SASH1: variants seen among roughly 807,000 people sequenced by gnomAD.
SASH1 encodes SAM and SH3 domain containing 1.
A neutral mutation model predicts 125.2 loss-of-function variants in SASH1; 44 were observed. That is an observed-to-expected ratio of 0.35 (90% CI 0.28 to 0.45). SASH1 has a LOEUF of 0.45. Among genes scored for constraint, SASH1 ranks in the 20% least tolerant of loss-of-function variants. The pLI is 1.00. For missense variants in SASH1, 1,426 were observed against 1,614.5 expected, an observed-to-expected ratio of 0.88 and a Z score of 2.00; for synonymous variants, 639 against 649.1, an observed-to-expected ratio of 0.98 and a Z score of 0.24.
At chr6:148,485,340 C>A (rs1017500441) in intron 7 of SASH1, among the ~76,000 whole-genome samples, 1 of 152,128 alleles carries the variant, frequency 6.6e-6, no homozygotes, top group African/African-American at 2.4e-5. Flanking sequence ...CTGGAACAAT[C>A]CAAGTGTCCC....
intron 1 of SASH1, among the ~76,000 whole-genome samples, chr6:148,331,206 G>A (rs186887935): frequency 2.5e-4 from 38 of 152,280 alleles, no homozygotes; most frequent in African/African-American, 6.7e-4. Flanking sequence ...AAATTTTTCC[G>A]AATCTTCATA....
chr6:148,527,912 G>A (rs1781281238), intron 12 of SASH1, among the ~76,000 whole-genome samples: 1 of 150,060 alleles, frequency 6.7e-6, no homozygotes. Flanking sequence ...GAATACAAAG[G>A]AAGGATTTTA....
In SASH1 at chr6:148,415,138, T is replaced by G. The variant is rs529191477; in HGVS notation, c.285+24876T>G. Reference sequence around the variant, plus strand: ...GTAGGGCTTCCATTGACAAATGAGTTTAGAACTTTGTATTGAGTATTTTTA... The same window carrying G: ...GTAGGGCTTCCATTGACAAATGAGTGTAGAACTTTGTATTGAGTATTTTTA... On this transcript the variant is annotated intron_variant, in intron 2 of 19. Coordinates refer to ENST00000367467, the MANE Select transcript of SASH1 (RefSeq NM_015278.5). Among the ~76,000 whole-genome samples the G allele has an allele frequency of 4.5e-4, 68 of 152,326 alleles. 1 individual carries two copies. The highest frequency in any genetic ancestry group is 3.3e-4 in the Admixed American group (5 of 15,290).
intron 8 of SASH1, among the ~76,000 whole-genome samples, chr6:148,498,239 AAAAAAAAAC>A (rs1307632777): frequency 6.8e-6 from 1 of 147,970 alleles, no homozygotes; most frequent in Non-Finnish European, 1.5e-5. Flanking sequence ...ACAAACAAAA[AAAAAAAAAC>A]AAAAAAAACA....
the SASH1 span, among the ~76,000 whole-genome samples, chr6:148,210,886 A>G: frequency 0.66 from 99,668 of 152,098 alleles, 33,805 homozygotes; most frequent in African/African-American, 0.84. Flanking sequence ...TTTCTGAAGT[A>G]GAACACTTTT....
chr6:148,492,079 C>T lies in SASH1; in HGVS notation c.729+4364C>T, dbSNP rs546322894. Reference sequence around the variant, plus strand: ...ATACCGGGTCCCTTAGTATCAGACCCACTGTATACTGCCCTGATTAATAGC... The same window carrying T: ...ATACCGGGTCCCTTAGTATCAGACCTACTGTATACTGCCCTGATTAATAGC... On this transcript the variant is annotated intron_variant, in intron 8 of 19. Coordinates refer to ENST00000367467, the MANE Select transcript of SASH1 (RefSeq NM_015278.5). Among the ~76,000 whole-genome samples the T allele has an allele frequency of 8.5e-5, 13 of 152,296 alleles. No homozygotes were observed. The East Asian group carries it at 2.3e-3, about 27-fold the overall frequency.
chr6:148,264,176 C>CG, the SASH1 span, among the ~76,000 whole-genome samples: 8 of 52,398 alleles, frequency 1.5e-4, no homozygotes, highest in East Asian at 5.2e-4. Context: ...TTATTTTGAC[C>CG]GAAAAAAAAA....
intron 1 of SASH1, among the ~76,000 whole-genome samples, chr6:148,376,619 T>G (rs1051571340): frequency 6.6e-6 from 1 of 152,076 alleles, no homozygotes; most frequent in Non-Finnish European, 1.5e-5. Flanking sequence ...CCTAGCACTT[T>G]GGGAGGCTGA....
At chr6:148,226,723 A>T in the SASH1 span, among the ~76,000 whole-genome samples, 1 of 152,152 alleles carries the variant, frequency 6.6e-6, no homozygotes, top group Non-Finnish European at 1.5e-5. Context: ...TTGTAAGTAC[A>T]CTTATGTCAC....
chr6:148,245,470 G>A, the SASH1 span, among the ~76,000 whole-genome samples: 2 of 152,158 alleles, frequency 1.3e-5, no homozygotes, highest in African/African-American at 4.8e-5. Flanking sequence ...AGTGATTACT[G>A]ATTTGGAAGC....
At chr6:148,444,208 C>T (rs1776682219) in intron 4 of SASH1, among the ~76,000 whole-genome samples, 1 of 152,238 alleles carries the variant, frequency 6.6e-6, no homozygotes, top group Admixed American at 6.5e-5. Context: ...CCTTGCCCAG[C>T]TGAAACCTAT....
the SASH1 span, among the ~76,000 whole-genome samples, chr6:148,242,409 G>A: frequency 6.6e-6 from 1 of 151,972 alleles, no homozygotes; most frequent in African/African-American, 2.4e-5. Context: ...TCTGTATTTT[G>A]GTAGCTTGGA....
chr6:148,347,332 C>T (rs1481785289), intron 1 of SASH1, among the ~76,000 whole-genome samples: 1 of 152,172 alleles, frequency 6.6e-6, no homozygotes, highest in East Asian at 1.9e-4. Context: ...CTACAATTTA[C>T]ACCCATTTCC....
upstream of SASH1, among the ~76,000 whole-genome samples, chr6:148,267,838 A>G (rs1186709125): frequency 6.6e-6 from 1 of 152,144 alleles, no homozygotes; most frequent in Non-Finnish European, 1.5e-5. Flanking sequence ...CGTGGAGTCT[A>G]TTTTCAACAG....
chr6:148,489,850 C>CTGTGTGTG (rs151183028), intron 8 of SASH1, among the ~76,000 whole-genome samples: 7,748 of 136,474 alleles, frequency 0.057, 242 homozygotes, highest in South Asian at 0.099. Context: ...GCTATATAGG[C>CTGTGTGTG]TGTGTGTGTG....
At chr6:148,469,607 C>T (rs1174915726) in intron 5 of SASH1, among the ~76,000 whole-genome samples, 1 of 152,136 alleles carries the variant, frequency 6.6e-6, no homozygotes, top group Non-Finnish European at 1.5e-5. Flanking sequence ...GCACCATGTA[C>T]CTGTAGTCCC....
intron 2 of SASH1, among the ~76,000 whole-genome samples, chr6:148,434,063 ATTTTTTTTTTTTTT>A (rs758854072): frequency 5.8e-5 from 4 of 69,360 alleles, no homozygotes; most frequent in Non-Finnish European, 7.7e-5. Context: ...GGAACTGGAG[ATTTTTTTTTTTTTT>A]TTTTTTTTTT....
chr6:148,515,042 G>A (rs2080496345), intron 9 of SASH1, among the ~76,000 whole-genome samples: 1 of 152,194 alleles, frequency 6.6e-6, no homozygotes. Context: ...AATGTCAAAA[G>A]ACATCAGCTT....
At chr6:148,373,510 G>A (rs771500030) in intron 1 of SASH1, among the ~76,000 whole-genome samples, 1 of 152,188 alleles carries the variant, frequency 6.6e-6, no homozygotes, top group Non-Finnish European at 1.5e-5. Flanking sequence ...CCTGGGGGCT[G>A]TGGCCTTTTC....
Sources: gnomAD v4.1 joint callset for allele counts (sites outside exome capture counted in the v4.1 genomes callset) on GRCh38, gnomAD v4.1.1 for gene constraint, MANE v1.5 for transcripts, NCBI Gene and HGNC (gene_info 2026-07-23, HGNC 2026-07-21) for gene names.